The following TMEM131 variants were observed in gnomAD, a reference collection of about 807,000 sequenced individuals.
The protein encoded by TMEM131 is transmembrane protein 131.
In TMEM131, 66 loss-of-function variants were observed where a neutral mutation model predicts 211.6. The observed-to-expected ratio is 0.31, with a 90% CI of 0.26 to 0.38. The LOEUF is 0.38. TMEM131 is among the 10% of genes least tolerant of loss of function. The pLI is 1.00. For missense variants in TMEM131, 2,036 were observed against 2,299.3 expected (o/e 0.89, Z 2.34); for synonymous variants, 844 against 841.3 (o/e 1.00, Z -0.06).
intron 2 of TMEM131, among the ~76,000 whole-genome samples, chr2:97,909,859 G>C (rs1384743858): frequency 6.6e-6 from 1 of 151,944 alleles, no homozygotes; most frequent in Non-Finnish European, 1.5e-5. Context: ...GTTGAGTCTG[G>C]GTGGTAAATG....
rs146475106 is a variant in TMEM131 at position 97,939,470 on chromosome 2, A to T, written c.188-11983T>A. ...GACACATACTCCCTCCCAAGACTAAACCAGAAAGAAGTTGAATCCCTGAAT... is the reference window on the plus strand; with the variant it reads ...GACACATACTCCCTCCCAAGACTAATCCAGAAAGAAGTTGAATCCCTGAAT... On this transcript the variant is annotated intron_variant, in intron 1 of 40. Coordinates refer to ENST00000186436, the MANE Select transcript of TMEM131 (RefSeq NM_015348.2). 4.5e-4 allele frequency among the ~76,000 whole-genome samples: 68 copies of T among 152,298 alleles called. 2 individuals carry two copies. The East Asian group carries it at 8.9e-3, about 20-fold the overall frequency.
intron 39 of TMEM131, chr2:97,759,334 T>A (rs530674611): frequency 5.6e-6 from 3 of 540,018 alleles, no homozygotes; most frequent in Admixed American, 6.3e-5. Flanking sequence ...CCTCTAGTTC[T>A]GGACAGCAAG....
At chr2:97,767,602 C>CA (rs1679234130) in intron 33 of TMEM131, among the ~76,000 whole-genome samples, 3 of 152,218 alleles carry the variant, frequency 2.0e-5, no homozygotes, top group Non-Finnish European at 4.4e-5. Context: ...CAAGAATCCT[C>CA]AGGGATCTCT....
intron 28 of TMEM131, 50 bp downstream of exon 28, chr2:97,796,168 G>T: frequency 9.1e-7 from 1 of 1,100,598 alleles, no homozygotes; most frequent in Non-Finnish European, 1.3e-6. Flanking sequence ...TCTTTGCACA[G>T]AGTTTGAGGA....
At chr2:97,837,191 A>G in intron 7 of TMEM131, 34 bp from the exon 8 acceptor site, 1 of 1,512,370 alleles carries the variant, frequency 6.6e-7, no homozygotes, top group Non-Finnish European at 9.0e-7. Flanking sequence ...GCTACGTTCA[A>G]AGTCATATTC....
intron 4 of TMEM131, among the ~76,000 whole-genome samples, chr2:97,864,803 G>A (rs896010725): frequency 6.6e-6 from 1 of 152,224 alleles, no homozygotes; most frequent in African/African-American, 2.4e-5. Context: ...GCTAGGCTAT[G>A]AGAAGGCTTC....
chr2:97,818,590 G>T, intron 12 of TMEM131, 23 bp downstream of exon 12: 2 of 1,443,400 alleles, frequency 1.4e-6, no homozygotes, highest in Non-Finnish European at 1.9e-6. Context: ...CACTCTATCA[G>T]AGAGAAAATG....
At chr2:97,847,087 G>GGGGGGGCCC in intron 5 of TMEM131, among the ~76,000 whole-genome samples, 1 of 72,052 alleles carries the variant, frequency 1.4e-5, no homozygotes, top group Non-Finnish European at 3.3e-5. Flanking sequence ...GGGGGGGGGG[G>GGGGGGGCCC]CCGAGGCAGG....
At chr2:97,923,085 T>TC in intron 2 of TMEM131, among the ~76,000 whole-genome samples, 1 of 152,200 alleles carries the variant, frequency 6.6e-6, no homozygotes, top group African/African-American at 2.4e-5. Context: ...GGTCAGGAGT[T>TC]CGAGACCAAC....
At chr2:97,877,423 G>A (rs1019601364) in intron 4 of TMEM131, among the ~76,000 whole-genome samples, 1 of 152,150 alleles carries the variant, frequency 6.6e-6, no homozygotes, top group Non-Finnish European at 1.5e-5. Context: ...GAAGAACAAA[G>A]CTAAAGGCAT....
At chr2:97,871,170 T>C (rs139810774) in intron 4 of TMEM131, among the ~76,000 whole-genome samples, 10 of 152,312 alleles carry the variant, frequency 6.6e-5, no homozygotes, top group African/African-American at 2.4e-4. Context: ...GTAAACCAAG[T>C]TTCTACCCAA....
chr2:97,882,686 A>G (rs1674986231), intron 4 of TMEM131, among the ~76,000 whole-genome samples: 1 of 152,198 alleles, frequency 6.6e-6, no homozygotes. Flanking sequence ...TCTCAAATGC[A>G]TAAGCCAATT....
intron 1 of TMEM131, among the ~76,000 whole-genome samples, chr2:97,933,202 T>C (rs552292380): frequency 6.6e-6 from 1 of 152,296 alleles, no homozygotes; most frequent in African/African-American, 2.4e-5. Context: ...GTGACCATAG[T>C]ACCCAAAGTC....
chr2:97,759,090 G>C, intron 39 of TMEM131, 37 bp from the exon 40 acceptor site: 6 of 1,613,418 alleles, frequency 3.7e-6, no homozygotes, highest in Non-Finnish European at 5.1e-6. Context: ...TCCATATTTG[G>C]TTTTGCCATG....
intron 25 of TMEM131, among the ~76,000 whole-genome samples, chr2:97,799,851 T>C (rs1158248634): frequency 6.6e-6 from 1 of 152,180 alleles, no homozygotes; most frequent in Non-Finnish European, 1.5e-5. Context: ...ATTACATACT[T>C]CGATCAAAAC....
intron 4 of TMEM131, among the ~76,000 whole-genome samples, chr2:97,869,422 C>A (rs1674402383): frequency 6.6e-6 from 1 of 152,158 alleles, no homozygotes; most frequent in Non-Finnish European, 1.5e-5. Flanking sequence ...CCCTTTCTTC[C>A]AGGGATCAAA....
At chr2:97,799,743 G>A (rs1680935842) in intron 25 of TMEM131, among the ~76,000 whole-genome samples, 1 of 152,172 alleles carries the variant, frequency 6.6e-6, no homozygotes, top group Non-Finnish European at 1.5e-5. Context: ...CCGTGAACCA[G>A]TATTTTCCAA....
At chr2:97,897,957 T>C (rs370677679) in intron 3 of TMEM131, among the ~76,000 whole-genome samples, 43 of 152,262 alleles carry the variant, frequency 2.8e-4, no homozygotes, top group Middle Eastern at 6.8e-3. Flanking sequence ...ATCTTTCAAG[T>C]ATTTGACCAC....
chr2:97,892,621 C>T (rs540083438), intron 3 of TMEM131, among the ~76,000 whole-genome samples: 91 of 152,282 alleles, frequency 6.0e-4, no homozygotes, highest in Admixed American at 6.5e-4. Flanking sequence ...CTGCAGCCTC[C>T]CAAAGTGTTA....
Sources: gnomAD v4.1 joint callset for allele counts (sites outside exome capture counted in the v4.1 genomes callset) on GRCh38, gnomAD v4.1.1 for gene constraint, MANE v1.5 for transcripts, NCBI Gene and HGNC (gene_info 2026-07-23, HGNC 2026-07-21) for gene names.